Variants in DAB1 observed in about 807,000 individuals in gnomAD.
DAB1 encodes DAB adaptor protein 1, also known as disabled homolog 1.
A neutral mutation model predicts 64.6 loss-of-function variants in DAB1; 15 were observed. The ratio of observed to expected loss-of-function variants is 0.23; its 90% CI spans 0.16 to 0.36. The LOEUF is 0.36. Among genes scored for constraint, DAB1 ranks in the 10% least tolerant of loss-of-function variants. DAB1 has a pLI of 1.00. For synonymous variants in DAB1, 235 were observed against 251.9 expected, an observed-to-expected ratio of 0.93 and a Z score of 0.64; for missense variants, 596 against 706.7, an observed-to-expected ratio of 0.84 and a Z score of 1.78.
chr1:57,927,044 T>G (rs987484870), intron 5 of DAB1, among the ~76,000 whole-genome samples: 1 of 152,176 alleles, frequency 6.6e-6, no homozygotes, highest in Non-Finnish European at 1.5e-5. Flanking sequence ...ACTCCCTAGT[T>G]CTGCAACTAT....
chr1:57,796,538 T>G (rs1650876049), intron 6 of DAB1, among the ~76,000 whole-genome samples: 1 of 145,460 alleles, frequency 6.9e-6, no homozygotes, highest in South Asian at 2.1e-4. Flanking sequence ...ATAATAACAA[T>G]GATAATAATA....
chr1:57,728,756 A>C (rs1395803753), intron 6 of DAB1, among the ~76,000 whole-genome samples: 1 of 152,204 alleles, frequency 6.6e-6, no homozygotes, highest in Non-Finnish European at 1.5e-5. Context: ...AACCAAAATC[A>C]AGTAGTTGCT....
intron 7 of DAB1, among the ~76,000 whole-genome samples, chr1:57,618,983 C>T (rs1192420145): frequency 2.0e-5 from 3 of 152,152 alleles, no homozygotes; most frequent in Non-Finnish European, 4.4e-5. Context: ...AATATCTCAC[C>T]TTACAGAGCT....
At chr1:57,596,122 G>C (rs1439881023) in intron 7 of DAB1, among the ~76,000 whole-genome samples, 2 of 152,084 alleles carry the variant, frequency 1.3e-5, no homozygotes, top group African/African-American at 4.8e-5. Flanking sequence ...TGATTCTCTA[G>C]GTATCACTGG....
chr1:57,395,259 C>A (rs1220991311), intron 1 of DAB1, among the ~76,000 whole-genome samples: 1 of 152,158 alleles, frequency 6.6e-6, no homozygotes, highest in Non-Finnish European at 1.5e-5. Flanking sequence ...CTCCTAGCCT[C>A]AAGTGATCCG....
intron 6 of DAB1, among the ~76,000 whole-genome samples, chr1:57,760,623 CACACACACACACACACACAG>C (rs1325706232): frequency 7.1e-5 from 3 of 42,018 alleles, no homozygotes; most frequent in Non-Finnish European, 1.3e-4. Context: ...CTCTCTCTCA[CACACACACACACACACACAG>C]ACACACACAC....
chr1:58,071,115 CT>C (rs917753682), intron 5 of DAB1, among the ~76,000 whole-genome samples: 1 of 152,020 alleles, frequency 6.6e-6, no homozygotes, highest in African/African-American at 2.4e-5. Context: ...CAAGATGGGC[CT>C]TTTCAGAGGC....
chr1:58,300,610 AAGAG>A lies in DAB1; in HGVS notation n.309+42738_309+42741del, dbSNP rs770388855. Among the ~76,000 whole-genome samples, 44 of 47,046 alleles carry A rather than the reference AAGAG, an allele frequency of 9.4e-4. 1 individual carries two copies. The highest frequency in any genetic ancestry group is 2.2e-3 in the African/African-American group (33 of 14,742). 30.9% of individuals were successfully genotyped at this position (47,046 alleles called of 152,430 possible). ...AAAGAAAGAAAGAAAGAAAGAAAGA[AAGAG>A]AGAGAGAGAGAGAGAGAGAGAGAGA... On this transcript the variant is annotated intron_variant and non_coding_transcript_variant, in intron 4 of 20. Transcript: ENST00000485760.
At chr1:57,157,955 G>A (rs1442828364) in intron 2 of DAB1, among the ~76,000 whole-genome samples, 1 of 152,168 alleles carries the variant, frequency 6.6e-6, no homozygotes, top group South Asian at 2.1e-4. Flanking sequence ...TCATTGGTGC[G>A]AGGCCACGCT....
rs1669012437 is a variant in DAB1 at position 57,247,964 on chromosome 1, T to C, written c.67+43000A>G. Among the ~76,000 whole-genome samples the C allele has an allele frequency of 2.6e-5, 4 of 152,198 alleles. No homozygotes were observed. The South Asian group carries it at 6.2e-4, about 24-fold the overall frequency. ...GGTTCACCTACTCAGTACTGTCAAA[T>C]GAGCAATAAATTAACTTCAATTTTG... On this transcript the variant is annotated intron_variant, in intron 2 of 14. Coordinates refer to ENST00000371236, the MANE Select transcript of DAB1 (RefSeq NM_001365792.1).
chr1:58,265,744 G>A (rs1337900975), intron 4 of DAB1, among the ~76,000 whole-genome samples: 1 of 152,166 alleles, frequency 6.6e-6, no homozygotes, highest in Non-Finnish European at 1.5e-5. Flanking sequence ...GATAGGATCA[G>A]AATTTTTAGG....
At chr1:58,027,540 T>C (rs1042598260) in intron 5 of DAB1, among the ~76,000 whole-genome samples, 6 of 152,194 alleles carry the variant, frequency 3.9e-5, no homozygotes, top group African/African-American at 1.4e-4. Flanking sequence ...GGGGTGTTGG[T>C]TATTTTGCTA....
At chr1:58,420,543 C>T (rs1052675611) in intron 3 of DAB1, among the ~76,000 whole-genome samples, 4 of 152,234 alleles carry the variant, frequency 2.6e-5, no homozygotes, top group African/African-American at 9.6e-5. Flanking sequence ...TACAAGCTTA[C>T]TGAATAAATA....
chr1:58,314,525 G>T (rs555699925), intron 4 of DAB1, among the ~76,000 whole-genome samples: 2 of 152,020 alleles, frequency 1.3e-5, no homozygotes, highest in Non-Finnish European at 2.9e-5. Flanking sequence ...TTGTACTTAC[G>T]ATTGAGTCGT....
chr1:57,553,794 G>A (rs1054977889), intron 7 of DAB1, among the ~76,000 whole-genome samples: 1 of 152,140 alleles, frequency 6.6e-6, no homozygotes, highest in African/African-American at 2.4e-5. Context: ...ACTGCAGGGC[G>A]CTCACTGAGG....
chr1:58,536,451 A>T, intron 1 of DAB1: 1 of 744,852 alleles, frequency 1.3e-6, no homozygotes, highest in South Asian at 1.6e-5. Context: ...CACATTTAAG[A>T]TACTTTCCTA....
chr1:57,984,256 GAAAGAAAA>G lies in DAB1; in HGVS notation n.388-100102_388-100095del, dbSNP rs776308436. On this transcript the variant is annotated intron_variant and non_coding_transcript_variant, in intron 5 of 20. Transcript: ENST00000485760. Reference sequence around the variant, plus strand: ...AGAAAGAAAGAAAGAAAGAAAGAAAGAAAGAAAAAAAATTAAACAGCCAAACCCATTGC... The same window carrying G: ...AGAAAGAAAGAAAGAAAGAAAGAAAGAAAATTAAACAGCCAAACCCATTGC... Among the ~76,000 whole-genome samples the G allele has an allele frequency of 2.9e-3, 380 of 128,954 alleles. 2 individuals are homozygous for G. The highest frequency in any genetic ancestry group is 6.3e-3 in the African/African-American group (206 of 32,768). The allele number at this position is 128,954 out of a possible 152,430, so 84.6% of individuals were successfully genotyped here.
chr1:57,308,985 G>A (rs1674432133), intron 1 of DAB1, among the ~76,000 whole-genome samples: 1 of 152,166 alleles, frequency 6.6e-6, no homozygotes, highest in Non-Finnish European at 1.5e-5. Flanking sequence ...GCCACATGTA[G>A]CCCAGGGTGG....
chr1:57,997,283 C>A (rs758826262), intron 5 of DAB1, among the ~76,000 whole-genome samples: 3 of 152,194 alleles, frequency 2.0e-5, no homozygotes, highest in African/African-American at 7.2e-5. Context: ...AAACACTGTG[C>A]ATGCAGGCCC....
Sources: gnomAD v4.1 joint callset for allele counts (sites outside exome capture counted in the v4.1 genomes callset) on GRCh38, gnomAD v4.1.1 for gene constraint, MANE v1.5 for transcripts, NCBI Gene and HGNC (gene_info 2026-07-23, HGNC 2026-07-21) for gene names.